The following ZNF362 variants were observed in gnomAD, a reference collection of about 807,000 sequenced individuals.
ZNF362 encodes rotund homolog.
ZNF362 carries 11 observed loss-of-function variants against 42.9 expected under a neutral mutation model. That is an observed-to-expected ratio of 0.26 (90% CI 0.16 to 0.42). ZNF362 has a LOEUF of 0.42. Among genes scored for constraint, ZNF362 ranks in the 20% least tolerant of loss-of-function variants. ZNF362 has a pLI of 1.00. For synonymous variants in ZNF362, 255 were observed against 257.3 expected, an observed-to-expected ratio of 0.99 and a Z score of 0.09; for missense variants, 362 against 576.2, an observed-to-expected ratio of 0.63 and a Z score of 3.81.
At chr1:33,186,558 C>A in the ZNF362 span, among the ~76,000 whole-genome samples, 1 of 150,738 alleles carries the variant, frequency 6.6e-6, no homozygotes, top group African/African-American at 2.4e-5. Flanking sequence ...GTAATCCCAG[C>A]ATTTTGGGAG....
chr1:33,256,257 G>C (rs1367350950), upstream of ZNF362, among the ~76,000 whole-genome samples: 1 of 138,206 alleles, frequency 7.2e-6, no homozygotes, highest in Non-Finnish European at 1.6e-5. Context: ...GCCCGCCCCC[G>C]CCCCCCGCCC....
chr1:33,271,554 A>G (rs1315373817), intron 2 of ZNF362, among the ~76,000 whole-genome samples: 1 of 152,218 alleles, frequency 6.6e-6, no homozygotes, highest in African/African-American at 2.4e-5. Flanking sequence ...GTTGGGCTGC[A>G]AACAGAGCGG....
At chr1:33,225,563 G>A in the ZNF362 span, among the ~76,000 whole-genome samples, 1 of 152,064 alleles carries the variant, frequency 6.6e-6, no homozygotes, top group South Asian at 2.1e-4. Context: ...ATTTCTCCCT[G>A]TGTCTTTTAT....
rs969114226 is a variant in ZNF362 at position 33,300,561 on chromosome 1, C to A, written c.*1515C>A. On this transcript the variant is annotated 3_prime_UTR_variant, in exon 9 of 9. Coordinates refer to ENST00000539719, the MANE Select transcript of ZNF362 (RefSeq NM_152493.3). ...GAGGGCAGGTGCCCCTCAGACACTT[C>A]AGGAAGGTAGTTTGCATTCTATTTA... 2 of 151,878 alleles carry A rather than the reference C, an allele frequency of 1.3e-5. No homozygotes were observed. Among genetic ancestry groups the A allele is most frequent in the Non-Finnish European group, 2.9e-5 (2 of 68,006 alleles). 9.4% of individuals were successfully genotyped at this position (151,878 alleles called of 1,614,324 possible).
chr1:33,287,141 A>C (rs1000067945), intron 6 of ZNF362, among the ~76,000 whole-genome samples: 3 of 152,262 alleles, frequency 2.0e-5, no homozygotes, highest in Non-Finnish European at 4.4e-5. Flanking sequence ...ACATGGATTT[A>C]TAGAGAAAAT....
At chr1:33,146,883 T>C in the ZNF362 span, 4 of 428,526 alleles carry the variant, frequency 9.3e-6, no homozygotes, top group African/African-American at 2.0e-5. Flanking sequence ...CCCCTGCCCC[T>C]GAGAAGATGG....
At chr1:33,256,925 T>TGC (rs1553177354) in intron 1 of ZNF362, among the ~76,000 whole-genome samples, 9 of 151,048 alleles carry the variant, frequency 6.0e-5, no homozygotes, top group Middle Eastern at 3.4e-3. Flanking sequence ...TGTGTGTGTG[T>TGC]GCGCGCGCGT....
chr1:33,295,057 C>A, intron 7 of ZNF362, 42 bp downstream of exon 7: 1 of 1,554,406 alleles, frequency 6.4e-7, no homozygotes, highest in Non-Finnish European at 8.8e-7. Context: ...TGCTCTGGTG[C>A]CCCCCCACCC....
the ZNF362 span, among the ~76,000 whole-genome samples, chr1:33,169,250 C>A: frequency 6.6e-6 from 1 of 152,156 alleles, no homozygotes; most frequent in African/African-American, 2.4e-5. Flanking sequence ...TATTCCCCAT[C>A]TCAGTGAAGT....
intron 1 of ZNF362, 67 bp from the exon 2 acceptor site, chr1:33,270,420 C>A: frequency 1.7e-6 from 1 of 598,874 alleles, no homozygotes; most frequent in Non-Finnish European, 3.0e-6. Flanking sequence ...ATGTTGAAAT[C>A]AATGGTAGCT....
the ZNF362 span, among the ~76,000 whole-genome samples, chr1:33,244,627 G>A: frequency 6.6e-6 from 1 of 152,196 alleles, no homozygotes; most frequent in African/African-American, 2.4e-5. This position sits in a 1 kb window ranked among gnomAD's most constrained non-coding sequence, Gnocchi z 4.0. Flanking sequence ...GGCACTTATG[G>A]CTGAGGTGAC....
At chr1:33,238,564 C>T in the ZNF362 span, among the ~76,000 whole-genome samples, 3 of 152,032 alleles carry the variant, frequency 2.0e-5, no homozygotes, top group African/African-American at 7.2e-5. Flanking sequence ...CCAATCAATG[C>T]AGCTAGAAAG....
chr1:33,133,899 A>G, the ZNF362 span, among the ~76,000 whole-genome samples: 3 of 152,324 alleles, frequency 2.0e-5, no homozygotes, highest in African/African-American at 7.2e-5. Flanking sequence ...TGTGGACCCA[A>G]AGGGAGAGAT....
At chr1:33,151,263 G>A in the ZNF362 span, among the ~76,000 whole-genome samples, 1 of 152,100 alleles carries the variant, frequency 6.6e-6, no homozygotes. Flanking sequence ...GACAGGATGG[G>A]TACAGGGCCT....
At chr1:33,140,278 G>A in the ZNF362 span, among the ~76,000 whole-genome samples, 1 of 152,210 alleles carries the variant, frequency 6.6e-6, no homozygotes, top group Admixed American at 6.5e-5. This position sits in a 1 kb window ranked among gnomAD's most constrained non-coding sequence, Gnocchi z 4.0. Flanking sequence ...GTTTACCCAG[G>A]TCTCGACTCA....
the ZNF362 span, among the ~76,000 whole-genome samples, chr1:33,157,472 C>T: frequency 2.6e-5 from 4 of 152,150 alleles, no homozygotes; most frequent in African/African-American, 4.8e-5. Flanking sequence ...CATCCTGTCT[C>T]ACCTTTCCCA....
chr1:33,181,200 A>C, the ZNF362 span: 1 of 1,587,244 alleles, frequency 6.3e-7, no homozygotes, highest in Non-Finnish European at 8.5e-7. The surrounding 1 kb of genome is among the most constrained non-coding windows in gnomAD (Gnocchi z 6.5). Context: ...GTCCAGCGGG[A>C]AGGAGCTGTA....
At chr1:33,212,870 C>A in the ZNF362 span, among the ~76,000 whole-genome samples, 1 of 152,122 alleles carries the variant, frequency 6.6e-6, no homozygotes, top group Non-Finnish European at 1.5e-5. Flanking sequence ...GAAATGAAAG[C>A]GTACGTGCAT....
At chr1:33,181,398 G>A in the ZNF362 span, 10 of 1,602,792 alleles carry the variant, frequency 6.2e-6, no homozygotes, top group Non-Finnish European at 8.5e-6. The surrounding 1 kb of genome is among the most constrained non-coding windows in gnomAD (Gnocchi z 6.5). Context: ...CAGGCAGATG[G>A]AGCACAGCAG....
Sources: gnomAD v4.1 joint callset for allele counts (sites outside exome capture counted in the v4.1 genomes callset) on GRCh38, gnomAD v4.1.1 for gene constraint, Gnocchi (gnomAD v3.1) non-coding constraint, MANE v1.5 for transcripts, NCBI Gene and HGNC (gene_info 2026-07-23, HGNC 2026-07-21) for gene names.